The following FAM184A variants were observed in gnomAD, a reference collection of about 807,000 sequenced individuals.
FAM184A encodes family with sequence similarity 184 member A.
Under a neutral mutation model 143.8 loss-of-function variants are expected in FAM184A, and 99 were observed. The observed-to-expected ratio is 0.69, with a 90% CI of 0.58 to 0.81. The LOEUF is 0.81. FAM184A is among the 40% of genes least tolerant of loss of function. The probability of loss-of-function intolerance (pLI) is 0.00; values close to 1 mark genes in which losing one functional copy is unlikely to be tolerated. For missense variants in FAM184A, 1,217 were observed against 1,310.5 expected, an observed-to-expected ratio of 0.93 and a Z score of 1.10; for synonymous variants, 427 against 446.4, an observed-to-expected ratio of 0.96 and a Z score of 0.55.
At chr6:119,048,813 A>T (rs1786634427) in intron 1 of FAM184A, among the ~76,000 whole-genome samples, 1 of 152,168 alleles carries the variant, frequency 6.6e-6, no homozygotes, top group South Asian at 2.1e-4. Context: ...TGGTTGAAAG[A>T]TCTCCACAAC....
chr6:118,970,008 A>ATATATATATATATATTTTTTTTTT, intron 14 of FAM184A, among the ~76,000 whole-genome samples: 1 of 19,048 alleles, frequency 5.2e-5, no homozygotes, highest in Non-Finnish European at 1.1e-4. Flanking sequence ...ATATATATAT[A>ATATATATATATATATTTTTTTTTT]TTTTTTTTTT....
At chr6:119,119,381 C>T (rs1225942870) in intron 1 of FAM184A, among the ~76,000 whole-genome samples, 3 of 152,132 alleles carry the variant, frequency 2.0e-5, no homozygotes, top group African/African-American at 7.2e-5. Flanking sequence ...GCTCAGGGGG[C>T]ATCACAGAAA....
At chr6:119,062,157 T>G (rs553595683) in intron 1 of FAM184A, among the ~76,000 whole-genome samples, 2 of 152,182 alleles carry the variant, frequency 1.3e-5, no homozygotes, top group Non-Finnish European at 1.5e-5. Context: ...ATGTATAACT[T>G]TGAAAAAGTT....
At chr6:119,107,425 GC>G (rs1466680962) in intron 1 of FAM184A, among the ~76,000 whole-genome samples, 3 of 152,170 alleles carry the variant, frequency 2.0e-5, no homozygotes, top group Non-Finnish European at 4.4e-5. Context: ...GGTAAGAGGA[GC>G]TTTTATTAGC....
intron 1 of FAM184A, among the ~76,000 whole-genome samples, chr6:119,029,108 CTG>C (rs1373338258): frequency 3.3e-5 from 5 of 152,218 alleles, no homozygotes; most frequent in African/African-American, 9.7e-5. Context: ...TAGAGCAACA[CTG>C]GTATAGGCCA....
chr6:119,052,793 T>C lies in FAM184A; in HGVS notation c.159+25348A>G, dbSNP rs538798604. 6.6e-5 allele frequency among the ~76,000 whole-genome samples: 10 copies of C among 152,350 alleles called. No homozygotes were observed. In the East Asian group the frequency reaches 1.7e-3, roughly 26 times the overall value. On this transcript the variant is annotated intron_variant, in intron 1 of 17. Coordinates refer to ENST00000338891, the MANE Select transcript of FAM184A (RefSeq NM_024581.6). ...ACACAAGCTGTATAGGTAGAGGCTT[T>C]GTGCAAAACACATAAGGAATTTGAA... is the stretch of plus-strand genomic sequence containing the variant.
intron 6 of FAM184A, among the ~76,000 whole-genome samples, chr6:119,007,440 C>G (rs1323741882): frequency 6.6e-6 from 1 of 152,030 alleles, no homozygotes; most frequent in African/African-American, 2.4e-5. Flanking sequence ...GCACGGCCTT[C>G]CTGTCCCCTC....
chr6:119,002,844 T>C, intron 9 of FAM184A, 55 bp downstream of exon 9: 1 of 1,434,292 alleles, frequency 7.0e-7, no homozygotes, highest in Non-Finnish European at 9.3e-7. Context: ...AATATTTGCC[T>C]AGCCAGAGAA....
intron 1 of FAM184A, among the ~76,000 whole-genome samples, chr6:119,025,278 AGTCTTCCCAAAAGCCTTTTATCTTTG>A (rs1321291078): frequency 1.3e-5 from 2 of 152,194 alleles, no homozygotes; most frequent in Non-Finnish European, 2.9e-5. Flanking sequence ...CTAGGCCCTA[AGTCTTCCCAAAAGCCTTTTATCTTTG>A]TAATGGCCTG....
At chr6:119,033,663 T>C (rs1339387804) in intron 1 of FAM184A, among the ~76,000 whole-genome samples, 1 of 103,646 alleles carries the variant, frequency 9.6e-6, no homozygotes, top group Admixed American at 9.3e-5. Context: ...AGACTCCGTC[T>C]CAAAAAAAAA....
intron 16 of FAM184A, chr6:118,962,889 C>T (rs1783379561): frequency 6.6e-6 from 1 of 151,624 alleles, no homozygotes; most frequent in Non-Finnish European, 1.5e-5. Flanking sequence ...TAGATGTATA[C>T]CAATTAAATT....
intron 7 of FAM184A, among the ~76,000 whole-genome samples, chr6:119,003,953 A>G (rs1469735599): frequency 6.6e-6 from 1 of 152,216 alleles, no homozygotes; most frequent in African/African-American, 2.4e-5. Context: ...AATTACCTTT[A>G]CCTGTACACC....
intron 14 of FAM184A, among the ~76,000 whole-genome samples, chr6:118,973,328 TAAAAG>T (rs1304447666): frequency 6.6e-6 from 1 of 152,066 alleles, no homozygotes; most frequent in Non-Finnish European, 1.5e-5. Flanking sequence ...ATAAATCAAA[TAAAAG>T]AAGATAATTT....
chr6:119,145,559 C>T (rs1772397399), intron 1 of FAM184A, among the ~76,000 whole-genome samples: 1 of 152,108 alleles, frequency 6.6e-6, no homozygotes, highest in African/African-American at 2.4e-5. Context: ...GGTTCACTGC[C>T]TCACTGGCTG....
chr6:119,071,860 C>CTTTTTTTT (rs35786966), intron 1 of FAM184A, among the ~76,000 whole-genome samples: 10 of 94,170 alleles, frequency 1.1e-4, no homozygotes, highest in East Asian at 7.4e-4. Context: ...AACCTTTAAT[C>CTTTTTTTT]TTTTTTTTTT....
At chr6:119,123,400 A>C (rs940157515) in intron 1 of FAM184A, among the ~76,000 whole-genome samples, 3 of 152,090 alleles carry the variant, frequency 2.0e-5, no homozygotes, top group African/African-American at 4.8e-5. Flanking sequence ...AAAATACCAA[A>C]AAACAAACAA....
intron 6 of FAM184A, 77 bp from the exon 7 acceptor site, chr6:119,006,685 G>T: frequency 1.7e-6 from 2 of 1,190,050 alleles, no homozygotes; most frequent in African/African-American, 1.6e-5. Flanking sequence ...TCTTCCTAAA[G>T]TTTTTTATTT....
chr6:119,039,592 A>T (rs1303636825), intron 1 of FAM184A, among the ~76,000 whole-genome samples: 1 of 152,252 alleles, frequency 6.6e-6, no homozygotes, highest in Admixed American at 6.5e-5. Context: ...AAGATAGTAA[A>T]TAGATCAGTA....
chr6:119,035,563 C>T (rs372632728), intron 1 of FAM184A, among the ~76,000 whole-genome samples: 14 of 152,198 alleles, frequency 9.2e-5, no homozygotes, highest in East Asian at 5.8e-4. Context: ...ATCCCCCTCC[C>T]TTTCCAGGTG....
Sources: gnomAD v4.1 joint callset for allele counts (sites outside exome capture counted in the v4.1 genomes callset) on GRCh38, gnomAD v4.1.1 for gene constraint, MANE v1.5 for transcripts, NCBI Gene and HGNC (gene_info 2026-07-23, HGNC 2026-07-21) for gene names.